Variants in NBEA observed in about 807,000 individuals in gnomAD.
The protein encoded by NBEA is neurobeachin.
In NBEA, 44 loss-of-function variants were observed where a neutral mutation model predicts 343.4. The observed-to-expected ratio is 0.13, with a 90% CI of 0.10 to 0.16. The LOEUF (loss-of-function observed/expected upper bound fraction) is 0.16. Among genes scored for constraint, NBEA ranks in the 10% least tolerant of loss-of-function variants. The pLI is 1.00. For synonymous variants in NBEA, 1,175 were observed against 1,238.7 expected (o/e 0.95, Z 1.08); for missense variants, 2,555 against 3,631.3 (o/e 0.70, Z 7.62).
chr13:35,479,667 T>G (rs886750421), intron 41 of NBEA, among the ~76,000 whole-genome samples: 1 of 152,222 alleles, frequency 6.6e-6, no homozygotes, highest in Non-Finnish European at 1.5e-5. Context: ...CAAATGATTA[T>G]GTAGTACATA....
intron 38 of NBEA, among the ~76,000 whole-genome samples, chr13:35,386,884 A>T (rs925478824): frequency 1.2e-4 from 18 of 152,188 alleles, no homozygotes; most frequent in Admixed American, 2.0e-4. Flanking sequence ...GGCTAAATCA[A>T]AACGAGAGGT....
chr13:35,244,172 A>G (rs1209218953), intron 34 of NBEA, among the ~76,000 whole-genome samples: 1 of 151,966 alleles, frequency 6.6e-6, no homozygotes, highest in Non-Finnish European at 1.5e-5. Context: ...ATAAAACAAC[A>G]TATTTTGAAT....
Position 35,197,490 on chromosome 13 carries a change from G to T in NBEA, c.5366+1188G>T, listed in dbSNP as rs909742111. ...TAGTTTAGGGGTAGAGGATGTGGCG[G>T]TATAGTCATTTCAGTTTGGATGAAT... is the stretch of plus-strand genomic sequence containing the variant. On this transcript the variant is annotated intron_variant, in intron 31 of 58. Transcript: ENST00000379939. Among the ~76,000 whole-genome samples, 4 of 152,008 alleles carry T rather than the reference G, an allele frequency of 2.6e-5. No homozygotes were observed. In the East Asian group the frequency reaches 7.7e-4, roughly 29 times the overall value.
At chr13:35,075,704 T>A (rs1424434515) in intron 10 of NBEA, among the ~76,000 whole-genome samples, 1 of 152,082 alleles carries the variant, frequency 6.6e-6, no homozygotes, top group Non-Finnish European at 1.5e-5. Context: ...ATCAAAGTTA[T>A]TCCAGTGATT....
At chr13:35,044,606 GTGT>G (rs2062776657) in intron 2 of NBEA, among the ~76,000 whole-genome samples, 1 of 41,898 alleles carries the variant, frequency 2.4e-5, no homozygotes, top group Non-Finnish European at 5.0e-5. Context: ...GTGTTGTGGT[GTGT>G]GTGTGTGTGT....
At chr13:34,949,057 T>C (rs1162929360) in intron 1 of NBEA, among the ~76,000 whole-genome samples, 1 of 152,082 alleles carries the variant, frequency 6.6e-6, no homozygotes, top group Non-Finnish European at 1.5e-5. Context: ...CCAAATAAAG[T>C]TCTGTCTGAT....
At chr13:35,542,565 T>C (rs1320999491) in intron 41 of NBEA, among the ~76,000 whole-genome samples, 1 of 152,138 alleles carries the variant, frequency 6.6e-6, no homozygotes, top group African/African-American at 2.4e-5. Context: ...CTACCAGATA[T>C]TTGAAGATTT....
At chr13:35,452,490 T>G (rs993665656) in intron 40 of NBEA, among the ~76,000 whole-genome samples, 1 of 152,202 alleles carries the variant, frequency 6.6e-6, no homozygotes, top group Non-Finnish European at 1.5e-5. Context: ...GAAGGAATAA[T>G]ACACAGTATC....
chr13:35,349,628 AAC>A (rs1327845048), intron 37 of NBEA, among the ~76,000 whole-genome samples: 3 of 152,156 alleles, frequency 2.0e-5, no homozygotes, highest in Non-Finnish European at 4.4e-5. Context: ...TTTTATACAT[AAC>A]AGTTATTTAT....
chr13:35,085,162 G>A (rs2064676191), intron 10 of NBEA, among the ~76,000 whole-genome samples: 1 of 152,094 alleles, frequency 6.6e-6, no homozygotes, highest in African/African-American at 2.4e-5. Flanking sequence ...GTACAAGGAG[G>A]AGCTGGTACC....
At chr13:35,101,848 CTCT>C (rs912662693) in intron 11 of NBEA, among the ~76,000 whole-genome samples, 20 of 151,802 alleles carry the variant, frequency 1.3e-4, no homozygotes, top group African/African-American at 4.3e-4. Flanking sequence ...TGCAAATTAT[CTCT>C]TCTTCTTTGG....
At chr13:35,198,317 T>C (rs1011454672) in intron 31 of NBEA, among the ~76,000 whole-genome samples, 6 of 152,256 alleles carry the variant, frequency 3.9e-5, no homozygotes, top group African/African-American at 1.4e-4. Flanking sequence ...AGTTTTGTAT[T>C]CTAGTTAATT....
At chr13:34,953,762 A>AGGGGTTCTCG (rs1354806097) in intron 1 of NBEA, among the ~76,000 whole-genome samples, 1 of 152,226 alleles carries the variant, frequency 6.6e-6, no homozygotes, top group African/African-American at 2.4e-5. Flanking sequence ...TCTCTAAACC[A>AGGGGTTCTCG]GGGGTTCCCA....
chr13:34,977,548 A>C (rs1019542733), intron 1 of NBEA, among the ~76,000 whole-genome samples: 5 of 152,096 alleles, frequency 3.3e-5, no homozygotes, highest in African/African-American at 1.2e-4. Flanking sequence ...ACCTCAGGTG[A>C]TCCTCCCACC....
At chr13:35,420,413 T>G (rs964638218) in intron 38 of NBEA, among the ~76,000 whole-genome samples, 6 of 152,050 alleles carry the variant, frequency 3.9e-5, no homozygotes, top group African/African-American at 1.4e-4. Context: ...GTTAATGTAA[T>G]GCACTACATT....
chr13:35,476,518 G>A (rs1291946088), intron 41 of NBEA: 4 of 638,710 alleles, frequency 6.3e-6, no homozygotes, highest in Non-Finnish European at 1.1e-5. Flanking sequence ...CTGAGACCCA[G>A]CAAAGCTCTT....
chr13:35,293,205 C>T (rs530352945), intron 35 of NBEA, among the ~76,000 whole-genome samples: 4 of 152,010 alleles, frequency 2.6e-5, no homozygotes, highest in African/African-American at 9.6e-5. Context: ...TTCATATGGG[C>T]AAACTTTTAA....
At chr13:35,162,561 C>T (rs1253134101) in intron 23 of NBEA, among the ~76,000 whole-genome samples, 1 of 152,044 alleles carries the variant, frequency 6.6e-6, no homozygotes, top group Non-Finnish European at 1.5e-5. Flanking sequence ...TGTTTTTCCT[C>T]TGCCTCCTCT....
intron 34 of NBEA, among the ~76,000 whole-genome samples, chr13:35,270,406 A>G (rs1270239854): frequency 6.6e-6 from 1 of 152,216 alleles, no homozygotes; most frequent in Non-Finnish European, 1.5e-5. Context: ...AGGTCCCAGC[A>G]AGATTTACGC....
Sources: allele counts gnomAD v4.1 joint callset (sites outside exome capture counted in the v4.1 genomes callset), GRCh38; gene constraint gnomAD v4.1.1; transcripts MANE v1.5; gene names NCBI Gene and HGNC (gene_info 2026-07-23, HGNC 2026-07-21).